PLPP4: variants seen among roughly 807,000 people sequenced by gnomAD.
PLPP4 encodes diacylglycerol pyrophosphate like 2.
In PLPP4, 20 loss-of-function variants were observed where a neutral mutation model predicts 32.2. That is an observed-to-expected ratio of 0.62 (90% confidence interval 0.44 to 0.90). The LOEUF is 0.90. Among genes scored for constraint, PLPP4 ranks in the 40% least tolerant of loss-of-function variants. PLPP4 has a pLI of 0.00. For synonymous variants in PLPP4, 127 were observed against 133.0 expected, an observed-to-expected ratio of 0.95 and a Z score of 0.31; for missense variants, 257 against 353.1, an observed-to-expected ratio of 0.73 and a Z score of 2.18.
intron 1 of PLPP4, among the ~76,000 whole-genome samples, chr10:120,464,904 T>C (rs1369338130): frequency 2.6e-5 from 4 of 152,142 alleles, no homozygotes; most frequent in Non-Finnish European, 4.4e-5. Context: ...CCTTGTTTGA[T>C]AAATGGGGCA....
chr10:120,469,617 T>G (rs1848432178), intron 1 of PLPP4, among the ~76,000 whole-genome samples: 1 of 152,192 alleles, frequency 6.6e-6, no homozygotes, highest in African/African-American at 2.4e-5. Flanking sequence ...TTCTCCTCAC[T>G]TACATTTATT....
At chr10:120,472,112 C>A (rs2133795746) in intron 1 of PLPP4, among the ~76,000 whole-genome samples, 1 of 152,096 alleles carries the variant, frequency 6.6e-6, no homozygotes, top group East Asian at 1.9e-4. Flanking sequence ...TTTAAGCAAT[C>A]AATATACTTT....
In PLPP4 at chr10:120,536,649, C is replaced by A. The variant is rs1847031746; in HGVS notation, c.445+15554C>A. 9.2e-5 allele frequency among the ~76,000 whole-genome samples: 11 copies of A among 119,616 alleles called. No homozygotes were observed. The South Asian group carries it at 2.9e-3, about 31-fold the overall frequency. The allele number at this position is 119,616 out of a possible 152,430, so 78.5% of individuals were successfully genotyped here. A position where few individuals can be genotyped will look rare whatever the true frequency, so the allele number is the denominator to read the frequency against. On this transcript the variant is annotated intron_variant, in intron 5 of 6. Transcript: ENST00000398250. ...GGTCTTCTTGGCAATGGTTTTTTAGCATATGATACCTAAAGCACAGGCAAA... is the reference window on the plus strand; with the variant it reads ...GGTCTTCTTGGCAATGGTTTTTTAGAATATGATACCTAAAGCACAGGCAAA...
chr10:120,534,042 A>T (rs1846872708), intron 5 of PLPP4, among the ~76,000 whole-genome samples: 1 of 152,156 alleles, frequency 6.6e-6, no homozygotes, highest in Non-Finnish European at 1.5e-5. Flanking sequence ...TAATTACATA[A>T]TTAACTTTAT....
chr10:120,551,031 A>T lies in PLPP4; in HGVS notation c.446-24100A>T, dbSNP rs148904322. On this transcript the variant is annotated intron_variant, in intron 5 of 6. Transcript: ENST00000398250. ...TGTGCATTCATATCCACAATATATA[A>T]AGAGTATGTACAGATCAGCAATAAA... Among the ~76,000 whole-genome samples the T allele has an allele frequency of 4.6e-3, 694 of 152,234 alleles. 11 individuals carry two copies. The highest frequency in any genetic ancestry group is 0.016 in the African/African-American group (652 of 41,558).
chr10:120,585,119 A>T (rs1370275286), intron 6 of PLPP4, among the ~76,000 whole-genome samples: 1 of 152,234 alleles, frequency 6.6e-6, no homozygotes, highest in Non-Finnish European at 1.5e-5. Flanking sequence ...GCTAATAGAA[A>T]TACCTCATGG....
chr10:120,497,699 A>G (rs1207112424), intron 1 of PLPP4, among the ~76,000 whole-genome samples: 1 of 152,142 alleles, frequency 6.6e-6, no homozygotes, highest in Non-Finnish European at 1.5e-5. Context: ...GAAAATATAT[A>G]TAACTGCCCC....
Position 120,477,134 on chromosome 10 carries a change from C to T in PLPP4, c.56+19773C>T, listed in dbSNP as rs532283610. ...TGTAAAAAACATCAAGAGGCTCGGA[C>T]GAAGCTTGATTAATTATCTGTGTAC... On this transcript the variant is annotated intron_variant, in intron 1 of 6. Transcript: ENST00000398250. 5.3e-5 allele frequency among the ~76,000 whole-genome samples: 8 copies of T among 151,144 alleles called. No individual in the cohort carries two copies. In the South Asian group the frequency reaches 1.5e-3, roughly 28 times the overall value.
chr10:120,487,707 A>G (rs1188838304), intron 1 of PLPP4, among the ~76,000 whole-genome samples: 1 of 152,240 alleles, frequency 6.6e-6, no homozygotes, highest in East Asian at 1.9e-4. Flanking sequence ...ATTGTTTGGG[A>G]GGGGAGATTC....
chr10:120,555,993 A>G (rs1009444253), intron 5 of PLPP4, among the ~76,000 whole-genome samples: 3 of 152,168 alleles, frequency 2.0e-5, no homozygotes, highest in African/African-American at 7.2e-5. Context: ...TGTGGCTTGC[A>G]GGACTGCCCC....
chr10:120,458,657 G>C (rs1388951017), intron 1 of PLPP4, among the ~76,000 whole-genome samples: 2 of 152,066 alleles, frequency 1.3e-5, no homozygotes, highest in African/African-American at 4.8e-5. Flanking sequence ...CCTTCTGCCC[G>C]AACACTGGTG....
intron 5 of PLPP4, among the ~76,000 whole-genome samples, chr10:120,537,103 G>A (rs899644327): frequency 6.6e-6 from 1 of 152,052 alleles, no homozygotes; most frequent in African/African-American, 2.4e-5. Flanking sequence ...GATGTAAATT[G>A]GTATAGCCCT....
At chr10:120,501,390 T>C (rs1845242092) in intron 1 of PLPP4, among the ~76,000 whole-genome samples, 1 of 152,234 alleles carries the variant, frequency 6.6e-6, no homozygotes, top group South Asian at 2.1e-4. Context: ...AGTAAAAATA[T>C]GCAGCTTTAG....
intron 5 of PLPP4, among the ~76,000 whole-genome samples, chr10:120,544,895 G>A (rs1281323935): frequency 6.6e-6 from 1 of 152,232 alleles, no homozygotes; most frequent in Admixed American, 6.5e-5. Flanking sequence ...TGATGCCCAG[G>A]CCATCTCCAC....
chr10:120,522,621 G>A (rs958015552), intron 5 of PLPP4, among the ~76,000 whole-genome samples: 2 of 152,204 alleles, frequency 1.3e-5, no homozygotes, highest in African/African-American at 4.8e-5. Flanking sequence ...AAACGGTGGT[G>A]AGTTGAGTAG....
chr10:120,547,342 A>G (rs1490015728), intron 5 of PLPP4, among the ~76,000 whole-genome samples: 2 of 152,284 alleles, frequency 1.3e-5, no homozygotes, highest in East Asian at 3.9e-4. Context: ...AAGAAATGGC[A>G]TGATTTGATC....
At chr10:120,558,050 A>T (rs1458440398) in intron 5 of PLPP4, among the ~76,000 whole-genome samples, 1 of 151,018 alleles carries the variant, frequency 6.6e-6, no homozygotes, top group Admixed American at 6.6e-5. Flanking sequence ...TTAAGTAATA[A>T]TAAAAAAACA....
Position 120,574,243 on chromosome 10 carries a change from C to A in PLPP4, c.446-888C>A, listed in dbSNP as rs1446631626. 3.5e-5 allele frequency among the ~76,000 whole-genome samples: 5 copies of A among 142,942 alleles called. No homozygotes were observed. The East Asian group carries it at 1.1e-3, about 31-fold the overall frequency. 93.8% of individuals were successfully genotyped at this position (142,942 alleles called of 152,430 possible). A position where few individuals can be genotyped will look rare whatever the true frequency, so the allele number is the denominator to read the frequency against. The stretch of plus-strand genomic sequence containing the variant: ...TCTCTCAGCTCCCTCCAGACCACTA[C>A]AAACAGAATGGCTGGCAATGGAACC... On this transcript the variant is annotated intron_variant, in intron 5 of 6. Transcript: ENST00000398250.
chr10:120,457,212 C>T (rs1847816570), upstream of PLPP4: 1 of 1,015,212 alleles, frequency 9.9e-7, no homozygotes, highest in Non-Finnish European at 1.3e-6. Flanking sequence ...GCGCGCCTCC[C>T]TCGCCTCCCA....
Sources: allele counts gnomAD v4.1 joint callset (sites outside exome capture counted in the v4.1 genomes callset), GRCh38; gene constraint gnomAD v4.1.1; transcripts MANE v1.5; gene names NCBI Gene and HGNC (gene_info 2026-07-23, HGNC 2026-07-21).